ZNF385D: variants seen among roughly 807,000 people sequenced by gnomAD.
ZNF385D encodes zinc finger protein 659.
Under a neutral mutation model 35.8 loss-of-function variants are expected in ZNF385D, and 15 were observed. That is an observed-to-expected ratio of 0.42 (90% CI 0.28 to 0.64). The LOEUF is 0.64. ZNF385D is among the 30% of genes least tolerant of loss of function. The pLI is 0.23. For missense variants in ZNF385D, 474 were observed against 494.6 expected (o/e 0.96, Z 0.39); for synonymous variants, 212 against 186.8 (o/e 1.13, Z -1.10).
Position 22,346,356 on chromosome 3 carries a change from G to A in ZNF385D, c.106+26094C>T, listed in dbSNP as rs184443377. ...AAAAAGGCAATCTGGATTTTTTGAAGCACTGTACTGGGATATCTTCCTTCA... is the reference window on the plus strand; with the variant it reads ...AAAAAGGCAATCTGGATTTTTTGAAACACTGTACTGGGATATCTTCCTTCA... On this transcript the variant is annotated intron_variant, in intron 2 of 5. Transcript: ENST00000494108. Among the ~76,000 whole-genome samples, 402 of 152,250 alleles carry A rather than the reference G, an allele frequency of 2.6e-3. 1 individual carries two copies. Among genetic ancestry groups the A allele is most frequent in the Middle Eastern group, 6.8e-3 (2 of 294 alleles).
chr3:21,568,576 G>T lies in ZNF385D; in HGVS notation c.166-3892C>A, dbSNP rs984424581. Among the ~76,000 whole-genome samples the T allele has an allele frequency of 7.9e-5, 12 of 152,198 alleles. No individual in the cohort carries two copies. The East Asian group carries it at 2.3e-3, about 29-fold the overall frequency. On this transcript the variant is annotated intron_variant, in intron 2 of 7. Transcript: ENST00000281523. ...TTTGTGGTAGGCAGGAAAAAAAGGG[G>T]TTCTTGGGTCAGATAAGGTGTAGAA...
At chr3:22,205,355 T>C (rs1240544397) in intron 2 of ZNF385D, among the ~76,000 whole-genome samples, 1 of 151,428 alleles carries the variant, frequency 6.6e-6, no homozygotes, top group East Asian at 1.9e-4. Flanking sequence ...ACCTGTGCTA[T>C]AAGAAATGCT....
At chr3:21,678,580 G>C (rs1394725781) in intron 1 of ZNF385D, among the ~76,000 whole-genome samples, 1 of 152,118 alleles carries the variant, frequency 6.6e-6, no homozygotes, top group Non-Finnish European at 1.5e-5. Context: ...AGGAATTGGA[G>C]TTAGTCCCTT....
chr3:22,286,756 T>C (rs1702044750), intron 2 of ZNF385D, among the ~76,000 whole-genome samples: 1 of 152,120 alleles, frequency 6.6e-6, no homozygotes, highest in African/African-American at 2.4e-5. Flanking sequence ...AAAAGATACT[T>C]CACAAAGAAA....
chr3:21,447,108 C>G (rs776604649), intron 4 of ZNF385D, among the ~76,000 whole-genome samples: 1 of 152,058 alleles, frequency 6.6e-6, no homozygotes, highest in Admixed American at 6.5e-5. Context: ...GATTGTTAGG[C>G]CTTGTTCTAG....
At chr3:22,254,440 A>T (rs553781588) in intron 2 of ZNF385D, among the ~76,000 whole-genome samples, 50 of 151,930 alleles carry the variant, frequency 3.3e-4, no homozygotes, top group Admixed American at 3.2e-3. Flanking sequence ...TAATCTGCAT[A>T]TTTTTTGACC....
At chr3:22,343,598 T>A (rs1695521966) in intron 2 of ZNF385D, among the ~76,000 whole-genome samples, 1 of 152,234 alleles carries the variant, frequency 6.6e-6, no homozygotes, top group South Asian at 2.1e-4. Context: ...CCATGTTCCT[T>A]GATCTTCTGA....
At chr3:21,922,443 A>G (rs1440971294) in intron 3 of ZNF385D, among the ~76,000 whole-genome samples, 5 of 152,250 alleles carry the variant, frequency 3.3e-5, no homozygotes, top group Admixed American at 1.3e-4. Context: ...AAGCAGATAC[A>G]TATACCAATG....
chr3:21,799,591 G>A (rs1376136752), intron 3 of ZNF385D, among the ~76,000 whole-genome samples: 1 of 152,114 alleles, frequency 6.6e-6, no homozygotes, highest in Admixed American at 6.6e-5. Flanking sequence ...GGCTATTCAA[G>A]TCTGTTGTTT....
At chr3:22,031,640 G>C (rs1363148631) in intron 3 of ZNF385D, among the ~76,000 whole-genome samples, 1 of 152,184 alleles carries the variant, frequency 6.6e-6, no homozygotes, top group Non-Finnish European at 1.5e-5. Context: ...GCCTATGATT[G>C]GAGGGGCTGC....
intron 3 of ZNF385D, among the ~76,000 whole-genome samples, chr3:22,034,998 A>G (rs1310097994): frequency 6.6e-6 from 1 of 152,178 alleles, no homozygotes; most frequent in Admixed American, 6.5e-5. Context: ...TACAATTTTT[A>G]TATTGTTTTG....
intron 3 of ZNF385D, among the ~76,000 whole-genome samples, chr3:21,550,595 G>A (rs528732748): frequency 2.0e-5 from 3 of 152,202 alleles, no homozygotes; most frequent in Admixed American, 6.5e-5. Flanking sequence ...TGATTCTCCC[G>A]CCTCAGCCTC....
chr3:21,796,314 T>C (rs961234950), intron 3 of ZNF385D, among the ~76,000 whole-genome samples: 2 of 151,904 alleles, frequency 1.3e-5, no homozygotes, highest in Non-Finnish European at 2.9e-5. Context: ...ATCCTTATAC[T>C]AAAACCCAAC....
In ZNF385D at chr3:22,168,752, T is replaced by C. The variant is rs951509485; in HGVS notation, c.325+65A>G. Reference sequence around the variant, plus strand: ...TAGTTCATTCTTTTATCCTCACATCTGCAGGTACACAAATAACTTAAATTG... The same window carrying C: ...TAGTTCATTCTTTTATCCTCACATCCGCAGGTACACAAATAACTTAAATTG... On this transcript the variant is annotated intron_variant, in intron 3 of 5. Transcript: ENST00000494108. 15 of 897,098 alleles carry C rather than the reference T, an allele frequency of 1.7e-5. No individual in the cohort carries two copies. In the South Asian group the frequency reaches 6.7e-4, roughly 40 times the overall value. The allele number at this position is 897,098 out of a possible 1,614,324, so 55.6% of individuals were successfully genotyped here. A position where few individuals can be genotyped will look rare whatever the true frequency, so the allele number is the denominator to read the frequency against.
chr3:21,756,496 G>T lies in ZNF385D; in HGVS notation c.326-91468C>A, dbSNP rs150024471. Among the ~76,000 whole-genome samples, 478 of 152,094 alleles carry T rather than the reference G, an allele frequency of 3.1e-3. 3 individuals are homozygous for T. The highest frequency in any genetic ancestry group is 0.011 in the African/African-American group (461 of 41,500). Reference sequence around the variant, plus strand: ...GTTTCATAGTAGTTTGGCTATATGGGTCTGGAGCTCAAAGGAGATGTTTGG... The same window carrying T: ...GTTTCATAGTAGTTTGGCTATATGGTTCTGGAGCTCAAAGGAGATGTTTGG... On this transcript the variant is annotated intron_variant, in intron 3 of 5. Transcript: ENST00000494108.
chr3:21,841,848 T>C (rs928166718), intron 3 of ZNF385D, among the ~76,000 whole-genome samples: 1 of 151,752 alleles, frequency 6.6e-6, no homozygotes, highest in African/African-American at 2.4e-5. Flanking sequence ...TATTTTTCTG[T>C]GCCTTTATAC....
chr3:21,516,966 T>A (rs1707607695), intron 3 of ZNF385D, among the ~76,000 whole-genome samples: 1 of 152,100 alleles, frequency 6.6e-6, no homozygotes, highest in Non-Finnish European at 1.5e-5. Flanking sequence ...TCCCTTTTTT[T>A]GTTTTTTTAA....
intron 2 of ZNF385D, among the ~76,000 whole-genome samples, chr3:22,177,344 C>T (rs1694902776): frequency 6.6e-6 from 1 of 152,182 alleles, no homozygotes; most frequent in Non-Finnish European, 1.5e-5. Context: ...AGAAAAATTT[C>T]TGAAGACCTG....
chr3:22,026,538 G>A (rs1363091470), intron 3 of ZNF385D, among the ~76,000 whole-genome samples: 1 of 152,140 alleles, frequency 6.6e-6, no homozygotes, highest in African/African-American at 2.4e-5. Context: ...ACAATTAATG[G>A]AGTTTTAGCT....
Sources: gnomAD v4.1 joint callset for allele counts (sites outside exome capture counted in the v4.1 genomes callset) on GRCh38, gnomAD v4.1.1 for gene constraint, MANE v1.5 for transcripts, NCBI Gene and HGNC (gene_info 2026-07-23, HGNC 2026-07-21) for gene names.